Variants in RNF150 observed in about 807,000 individuals in gnomAD.
RNF150 encodes the protein ring finger protein 150.
Under a neutral mutation model 39.3 loss-of-function variants are expected in RNF150, and 24 were observed. The observed-to-expected ratio is 0.61, with a 90% CI of 0.44 to 0.86. RNF150 has a LOEUF of 0.86. RNF150 is among the 40% of genes least tolerant of loss of function. The pLI is 0.00. For synonymous variants in RNF150, 255 were observed against 227.3 expected (o/e 1.12, Z -1.10); for missense variants, 502 against 587.8 (o/e 0.85, Z 1.51).
At position 141,027,931 on chromosome 4, in the gene RNF150, T is replaced by G. The variant is rs13133170; in HGVS notation, c.485-60058A>C. The stretch of plus-strand genomic sequence containing the variant: ...GAATTTGTTTTTTTTTTTTTGTTTT[T>G]TTTTTTTTTTTTTTTTTTTTTCAAT... On this transcript the variant is annotated intron_variant, in intron 1 of 6. Coordinates refer to ENST00000515673, the MANE Select transcript of RNF150 (RefSeq NM_020724.2). Among the ~76,000 whole-genome samples the G allele has an allele frequency of 1.7e-3, 148 of 84,630 alleles. 1 individual carries two copies. The highest frequency in any genetic ancestry group is 0.017 in the East Asian group (21 of 1,226). 55.5% of individuals were successfully genotyped at this position (84,630 alleles called of 152,430 possible). A position where few individuals can be genotyped will look rare whatever the true frequency, so the allele number is the denominator to read the frequency against.
chr4:141,078,806 AAAATATATATAT>A (rs1738023198), intron 1 of RNF150, among the ~76,000 whole-genome samples: 1 of 62,880 alleles, frequency 1.6e-5, no homozygotes, highest in Non-Finnish European at 3.3e-5. Context: ...AAAAAAAAAA[AAAATATATATAT>A]ATATATATAT....
At chr4:141,046,939 C>T (rs1283167447) in intron 1 of RNF150, among the ~76,000 whole-genome samples, 8 of 152,238 alleles carry the variant, frequency 5.3e-5, no homozygotes, top group African/African-American at 1.9e-4. Flanking sequence ...TAGACACTCC[C>T]TCCCCGACAC....
chr4:141,063,965 T>C (rs1300653131), intron 1 of RNF150, among the ~76,000 whole-genome samples: 1 of 119,092 alleles, frequency 8.4e-6, no homozygotes, highest in Non-Finnish European at 1.7e-5. Flanking sequence ...AACCATTTTG[T>C]AATGAATCAA....
intron 1 of RNF150, among the ~76,000 whole-genome samples, chr4:141,088,246 G>C (rs1578715265): frequency 1.3e-5 from 2 of 152,046 alleles, no homozygotes; most frequent in Admixed American, 1.3e-4. Flanking sequence ...TCGGCCCCCC[G>C]GCATATACAC....
At chr4:140,979,915 AG>A (rs1733800227) in intron 1 of RNF150, among the ~76,000 whole-genome samples, 1 of 152,198 alleles carries the variant, frequency 6.6e-6, no homozygotes, top group African/African-American at 2.4e-5. Flanking sequence ...TACTCTCTTA[AG>A]GTAGTGAAAA....
intron 1 of RNF150, among the ~76,000 whole-genome samples, chr4:141,205,550 A>C (rs925300209): frequency 1.3e-5 from 2 of 152,188 alleles, no homozygotes; most frequent in African/African-American, 4.8e-5. Context: ...TTTGTTCCAC[A>C]TCAAAGCACA....
At chr4:141,056,367 T>A (rs1736972348) in intron 1 of RNF150, among the ~76,000 whole-genome samples, 3 of 152,080 alleles carry the variant, frequency 2.0e-5, no homozygotes, top group African/African-American at 7.2e-5. Flanking sequence ...GAGACTCCCA[T>A]CTCTATTTTT....
intron 4 of RNF150, among the ~76,000 whole-genome samples, chr4:140,928,794 C>T (rs943919472): frequency 2.0e-5 from 3 of 152,188 alleles, no homozygotes; most frequent in African/African-American, 7.2e-5. Context: ...GATCCACCCG[C>T]CTCAGCCTCC....
intron 1 of RNF150, among the ~76,000 whole-genome samples, chr4:141,003,168 A>G (rs1183874786): frequency 6.6e-6 from 1 of 152,136 alleles, no homozygotes; most frequent in Non-Finnish European, 1.5e-5. Flanking sequence ...AATAATGAAT[A>G]AAGAATTGAA....
At chr4:141,036,864 C>A (rs1736167623) in intron 1 of RNF150, among the ~76,000 whole-genome samples, 1 of 152,146 alleles carries the variant, frequency 6.6e-6, no homozygotes, top group South Asian at 2.1e-4. Flanking sequence ...ACAACTTAAA[C>A]ATATCCTTAA....
At chr4:140,966,492 G>A (rs533832695) in intron 2 of RNF150, among the ~76,000 whole-genome samples, 1 of 151,990 alleles carries the variant, frequency 6.6e-6, no homozygotes, top group African/African-American at 2.4e-5. Context: ...GACTAATAAA[G>A]AGTTTATACA....
intron 1 of RNF150, among the ~76,000 whole-genome samples, chr4:140,992,502 G>A (rs994076082): frequency 6.6e-6 from 1 of 152,170 alleles, no homozygotes; most frequent in African/African-American, 2.4e-5. Flanking sequence ...CATAAAGGAG[G>A]TGGCCACACA....
intron 1 of RNF150, among the ~76,000 whole-genome samples, chr4:141,041,097 A>C (rs1021583251): frequency 2.0e-5 from 3 of 152,122 alleles, no homozygotes; most frequent in Admixed American, 6.6e-5. Context: ...TTTAAAAAAA[A>C]ATTAAGTCTC....
chr4:140,884,683 CTT>C (rs1290001083), intron 6 of RNF150, among the ~76,000 whole-genome samples: 3 of 152,232 alleles, frequency 2.0e-5, no homozygotes, highest in African/African-American at 4.8e-5. Flanking sequence ...CTCTTCATCA[CTT>C]TTGTTTTTTT....
rs187121208 is a variant in RNF150, at chr4:140,959,868, G to A, written c.735+7755C>T. On this transcript the variant is annotated intron_variant, in intron 2 of 6. Coordinates refer to ENST00000515673, the MANE Select transcript of RNF150 (RefSeq NM_020724.2). Reference sequence around the variant, plus strand: ...GGGAGAGAGGCTGGGGTAGAGGTGAGGCCGTATTAGAGTATCTCAGGCTCA... The same window carrying A: ...GGGAGAGAGGCTGGGGTAGAGGTGAAGCCGTATTAGAGTATCTCAGGCTCA... Among the ~76,000 whole-genome samples, 9 of 152,164 alleles carry A rather than the reference G, an allele frequency of 5.9e-5. No individual in the cohort carries two copies. In the East Asian group the frequency reaches 1.6e-3, roughly 26 times the overall value.
chr4:141,186,484 C>A (rs1036211222), intron 1 of RNF150, among the ~76,000 whole-genome samples: 1 of 152,018 alleles, frequency 6.6e-6, no homozygotes, highest in African/African-American at 2.4e-5. Context: ...CTGCAAGCTC[C>A]GCCTCCCGGG....
At chr4:140,970,412 T>C (rs1425431) in intron 1 of RNF150, among the ~76,000 whole-genome samples, 75,383 of 150,788 alleles carry the variant, frequency 0.5, 19,324 homozygotes, top group East Asian at 0.79. Context: ...GCTGTTTTAG[T>C]TGTATAGCTT....
intron 1 of RNF150, among the ~76,000 whole-genome samples, chr4:141,167,254 C>G (rs534271365): frequency 1.3e-5 from 2 of 152,166 alleles, no homozygotes; most frequent in South Asian, 4.2e-4. Flanking sequence ...TGAAAGACCT[C>G]TTCAAGGAAA....
chr4:141,129,056 C>A (rs1236773605), intron 1 of RNF150, among the ~76,000 whole-genome samples: 1 of 152,128 alleles, frequency 6.6e-6, no homozygotes, highest in Non-Finnish European at 1.5e-5. Flanking sequence ...GGAAAACAGT[C>A]TAGAAGGTCC....
Sources: allele counts gnomAD v4.1 joint callset (sites outside exome capture counted in the v4.1 genomes callset), GRCh38; gene constraint gnomAD v4.1.1; transcripts MANE v1.5; gene names NCBI Gene and HGNC (gene_info 2026-07-23, HGNC 2026-07-21).